CYP4F8: variants seen among roughly 807,000 people sequenced by gnomAD.
CYP4F8 encodes cytochrome P450 4F8.
CYP4F8 carries 56 observed loss-of-function variants against 55.0 expected under a neutral mutation model. The ratio of observed to expected loss-of-function variants is 1.02; its 90% CI spans 0.82 to 1.27. CYP4F8 has a LOEUF of 1.27. Ranked by LOEUF, CYP4F8 falls within the 50% of genes most tolerant of loss-of-function variation. The pLI is 0.00. For missense variants in CYP4F8, 680 were observed against 682.4 expected, an observed-to-expected ratio of 1.00 and a Z score of 0.04; for synonymous variants, 288 against 267.3, an observed-to-expected ratio of 1.08 and a Z score of -0.76.
chr19:15,625,595 G>A (rs1196613104), intron 9 of CYP4F8, among the ~76,000 whole-genome samples: 2 of 151,676 alleles, frequency 1.3e-5, no homozygotes, highest in African/African-American at 4.8e-5. Flanking sequence ...TTAATATTTG[G>A]TAGAGTTTGT....
At chr19:15,621,856 C>T (rs1972197984) in intron 5 of CYP4F8, 1 of 177,200 alleles carries the variant, frequency 5.6e-6, no homozygotes, top group African/African-American at 2.4e-5. Flanking sequence ...CAAGTTCACC[C>T]AGCTTGTCAG....
chr19:15,629,067 C>T, intron 12 of CYP4F8, 126 bp from the exon 13 acceptor site: 1 of 1,382,768 alleles, frequency 7.2e-7, no homozygotes, highest in Non-Finnish European at 9.6e-7. Context: ...GGGTCCCAGA[C>T]CCAGCTTCCC....
chr19:15,616,960 G>A (rs545156218), intron 2 of CYP4F8, among the ~76,000 whole-genome samples: 265 of 152,286 alleles, frequency 1.7e-3, no homozygotes, highest in African/African-American at 5.8e-3. Context: ...GGTGAGAGCC[G>A]CTGTTCTTCC....
At chr19:15,624,949 T>C (rs1972243387) in intron 9 of CYP4F8, among the ~76,000 whole-genome samples, 1 of 152,154 alleles carries the variant, frequency 6.6e-6, no homozygotes, top group South Asian at 2.1e-4. Flanking sequence ...GAAAATTATT[T>C]CTTTTTTCTG....
At position 15,626,857 on chromosome 19, in the gene CYP4F8, A is replaced by T. The variant is rs573952313; in HGVS notation, c.1116-1445A>T. 7.6e-4 allele frequency among the ~76,000 whole-genome samples: 115 copies of T among 152,254 alleles called. 1 individual carries two copies. The highest frequency in any genetic ancestry group is 2.7e-3 in the African/African-American group (114 of 41,552). On this transcript the variant is annotated intron_variant, in intron 9 of 12. Transcript: ENST00000612078. Reference sequence around the variant, plus strand: ...TTAACATTATAATTTTACCTTTCTCATAAAGGAAAAGACTCCACCTTGTAT... The same window carrying T: ...TTAACATTATAATTTTACCTTTCTCTTAAAGGAAAAGACTCCACCTTGTAT...
intron 3 of CYP4F8, 87 bp downstream of exon 3, chr19:15,618,231 G>A (rs557364114): frequency 2.5e-6 from 4 of 1,591,274 alleles, no homozygotes; most frequent in Admixed American, 1.7e-5. Context: ...TGCAGCTCTT[G>A]TAGTACTCAG....
rs778069039 is a variant in CYP4F8 at position 15,629,586 on chromosome 19, G to A, written c.*228G>A. ...CTCTCTGGGTGAGCACAGGAGCCCC[G>A]TGCTGAGGGTGGGATCTCCCAGAGT... On this transcript the variant is annotated 3_prime_UTR_variant, in exon 13 of 13. Transcript: ENST00000612078. 3.5e-5 allele frequency: 18 copies of A among 516,784 alleles called. No individual in the cohort carries two copies. Among genetic ancestry groups the A allele is most frequent in the Non-Finnish European group, 4.5e-5 (14 of 308,420 alleles). 32.0% of individuals were successfully genotyped at this position (516,784 alleles called of 1,614,324 possible). A position where few individuals can be genotyped will look rare whatever the true frequency, so the allele number is the denominator to read the frequency against.
chr19:15,629,477 T>TA lies in CYP4F8; in HGVS notation c.*120dup, dbSNP rs1972308704. Reference sequence around the variant, plus strand: ...GTGCCTCAGTCCCGCGGATGGCCAGTAGGGGGCGCTGGAGGACTGCGGGGA... The same window carrying TA: ...GTGCCTCAGTCCCGCGGATGGCCAGTAAGGGGGCGCTGGAGGACTGCGGGGA... On this transcript the variant is annotated 3_prime_UTR_variant, in exon 13 of 13. Coordinates refer to ENST00000612078, the MANE Select transcript of CYP4F8 (RefSeq NM_007253.4). 1 of 1,360,624 alleles carries TA rather than the reference T, an allele frequency of 7.3e-7. No individual in the cohort carries two copies. The highest frequency in any genetic ancestry group is 3.1e-5 in the Admixed American group (1 of 32,654). 84.3% of individuals were successfully genotyped at this position (1,360,624 alleles called of 1,614,324 possible).
rs1972164450 is a variant in CYP4F8 at position 15,619,435 on chromosome 19, C to A, written c.344-55C>A. On this transcript the variant is annotated intron_variant, in intron 3 of 12. Transcript: ENST00000612078. ...CTGGCTGGGAGCCACCCTCCATACC[C>A]AAAGTCCCTCCTCTATTCCTCTCCA... 5.0e-6 allele frequency: 8 copies of A among 1,606,998 alleles called. No individual in the cohort carries two copies. In the South Asian group the frequency reaches 5.5e-5, roughly 11 times the overall value.
chr19:15,619,628 G>T lies in CYP4F8; in HGVS notation c.398-7G>T, dbSNP rs764844331. On this transcript the variant is annotated splice_region_variant and splice_polypyrimidine_tract_variant and intron_variant, in intron 4 of 12. Transcript: ENST00000612078. ...CCCTTGCCCACAGCCTTTGGCTGCC[G>T]TACTAGGGGATGGGCTCTTGTTAAG... 1 of 1,614,182 alleles carries T rather than the reference G, an allele frequency of 6.2e-7. No homozygotes were observed. Among genetic ancestry groups the T allele is most frequent in the African/African-American group, 1.3e-5 (1 of 75,054 alleles).
chr19:15,628,735 G>A, intron 11 of CYP4F8, 26 bp from the exon 12 acceptor site: 3 of 1,613,098 alleles, frequency 1.9e-6, no homozygotes, highest in Non-Finnish European at 1.7e-6. Flanking sequence ...GGCCCCATCA[G>A]CAGCCTTAAC....
chr19:15,626,605 A>ATATCTATC (rs57706048), intron 9 of CYP4F8, among the ~76,000 whole-genome samples: 20,669 of 146,714 alleles, frequency 0.14, 1,419 homozygotes, highest in East Asian at 0.19. Flanking sequence ...ATTGTTCTGG[A>ATATCTATC]TATCTATCTA....
intron 8 of CYP4F8, 54 bp downstream of exon 8, chr19:15,623,819 G>A (rs1033823559): frequency 6.2e-7 from 1 of 1,608,198 alleles, no homozygotes; most frequent in African/African-American, 1.3e-5. Context: ...CCACTCCAGG[G>A]AAGTGGAGGG....
chr19:15,619,628 G>A lies in CYP4F8; in HGVS notation c.398-7G>A, dbSNP rs764844331. ...CCCTTGCCCACAGCCTTTGGCTGCC[G>A]TACTAGGGGATGGGCTCTTGTTAAG... On this transcript the variant is annotated splice_region_variant and splice_polypyrimidine_tract_variant and intron_variant, in intron 4 of 12. Transcript: ENST00000612078. 36 of 1,614,182 alleles carry A rather than the reference G, an allele frequency of 2.2e-5. No individual in the cohort carries two copies. Among genetic ancestry groups the A allele is most frequent in the East Asian group, 4.5e-5 (2 of 44,886 alleles).
intron 7 of CYP4F8, 156 bp downstream of exon 7, chr19:15,623,531 A>T (rs1972222901): frequency 9.8e-7 from 1 of 1,024,432 alleles, no homozygotes; most frequent in Admixed American, 3.3e-5. Flanking sequence ...AGGTGATTGC[A>T]TAGAAAGCTT....
rs374588746 is a variant in CYP4F8 at position 15,615,712 on chromosome 19, C to G, written c.96C>G (p.Ala32=). 6 of 1,613,984 alleles carry G rather than the reference C, an allele frequency of 3.7e-6. No individual in the cohort carries two copies. The Admixed American group carries it at 6.7e-5, about 18-fold the overall frequency. Residue 32 remains alanine, a synonymous_variant, in exon 2 of 13, where the codon GCC becomes GCG. Transcript: ENST00000612078. The part of the protein sequence containing the change: ...LLVVGASWLL[A]RILAWTYAFY... ...TGGTCGGGGCCTCCTGGCTCCTGGC[C>G]CGCATCCTGGCCTGGACCTATGCCT...
chr19:15,615,542 A>G (rs1279216986), intron 1 of CYP4F8, 74 bp from the exon 2 acceptor site: 10 of 1,505,116 alleles, frequency 6.6e-6, no homozygotes, highest in Middle Eastern at 2.2e-4. Context: ...ATGTTTACCC[A>G]TCATTGGTCC....
intron 3 of CYP4F8, chr19:15,619,095 T>A (rs957538998): frequency 2.0e-5 from 4 of 198,648 alleles, no homozygotes; most frequent in Admixed American, 1.6e-4. Flanking sequence ...GACTGCAACA[T>A]CCAGGGAGGT....
At position 15,629,415 on chromosome 19, in the gene CYP4F8, T is replaced by C. The variant is rs1049704265; in HGVS notation, c.*57T>C. 1.7e-4 allele frequency: 259 copies of C among 1,493,230 alleles called. No homozygotes were observed. Among genetic ancestry groups the C allele is most frequent in the Non-Finnish European group, 2.3e-4 (255 of 1,120,546 alleles). 92.5% of individuals were successfully genotyped at this position (1,493,230 alleles called of 1,614,324 possible). ...ATCACCTACCTTTGCACCAACTACC[T>C]TTTCAGATTTCCGGTAATAAATCTG... On this transcript the variant is annotated 3_prime_UTR_variant, in exon 13 of 13. Transcript: ENST00000612078.
Sources: allele counts gnomAD v4.1 joint callset (sites outside exome capture counted in the v4.1 genomes callset), GRCh38; gene constraint gnomAD v4.1.1; transcripts MANE v1.5; gene names NCBI Gene and HGNC (gene_info 2026-07-23, HGNC 2026-07-21).